LMBR1: variants seen among roughly 807,000 people sequenced by gnomAD.
LMBR1 encodes limb development membrane protein 1.
LMBR1 carries 52 observed loss-of-function variants against 73.9 expected under a neutral mutation model. The ratio of observed to expected loss-of-function variants is 0.70; its 90% CI spans 0.56 to 0.89. LMBR1 has a LOEUF of 0.89. Ranked by LOEUF, LMBR1 falls within the 40% of genes least tolerant of loss-of-function variation. The pLI is 0.00. For missense variants in LMBR1, 539 were observed against 579.8 expected, an observed-to-expected ratio of 0.93 and a Z score of 0.72; for synonymous variants, 215 against 209.4, an observed-to-expected ratio of 1.03 and a Z score of -0.23.
chr7:156,755,269 G>A (rs1821650513), intron 9 of LMBR1, among the ~76,000 whole-genome samples: 1 of 152,198 alleles, frequency 6.6e-6, no homozygotes, highest in South Asian at 2.1e-4. Flanking sequence ...GGAGCCAAAG[G>A]ATTTATAAAG....
At chr7:156,883,052 T>G (rs1801343123) in intron 1 of LMBR1, among the ~76,000 whole-genome samples, 1 of 149,800 alleles carries the variant, frequency 6.7e-6, no homozygotes. Context: ...AAATTTTTTG[T>G]TAAGAGGGTA....
chr7:156,818,160 A>G (rs1298206692), intron 4 of LMBR1, among the ~76,000 whole-genome samples: 2 of 152,198 alleles, frequency 1.3e-5, no homozygotes, highest in Non-Finnish European at 2.9e-5. Flanking sequence ...ATATTTTCTT[A>G]AGTTTGACTG....
chr7:156,825,380 G>A (rs935746570), intron 4 of LMBR1, among the ~76,000 whole-genome samples: 1 of 152,076 alleles, frequency 6.6e-6, no homozygotes, highest in Non-Finnish European at 1.5e-5. Context: ...ACGGGTATGG[G>A]TATGATGAGC....
rs58320541 is a variant in LMBR1 at position 156,709,158 on chromosome 7, C to T, written c.1225+14954G>A. Among the ~76,000 whole-genome samples, 20 of 152,282 alleles carry T rather than the reference C, an allele frequency of 1.3e-4. No homozygotes were observed. The East Asian group carries it at 3.9e-3, about 29-fold the overall frequency. On this transcript the variant is annotated intron_variant, in intron 15 of 16. Coordinates refer to ENST00000353442, the MANE Select transcript of LMBR1 (RefSeq NM_022458.4). ...ACCCATCACCTGAGAAACCAGAATA[C>T]TTACCTTGGCCAACTTGGGGCAAGC...
chr7:156,892,887 G>A (rs754665975), intron 1 of LMBR1, 41 bp downstream of exon 1: 1 of 1,393,052 alleles, frequency 7.2e-7, no homozygotes, highest in Non-Finnish European at 9.4e-7. Context: ...GGGCCCGGGC[G>A]GGCACGCGGG....
At chr7:156,777,018 G>A (rs560907044) in intron 5 of LMBR1, among the ~76,000 whole-genome samples, 28 of 150,804 alleles carry the variant, frequency 1.9e-4, no homozygotes, top group African/African-American at 4.9e-4. Flanking sequence ...CGCAAGCTCC[G>A]CTTCCTGGGT....
At chr7:156,867,651 A>G (rs1162529903) in intron 1 of LMBR1, among the ~76,000 whole-genome samples, 2 of 152,268 alleles carry the variant, frequency 1.3e-5, no homozygotes, top group Non-Finnish European at 2.9e-5. Flanking sequence ...GAAAGCAGCT[A>G]GATATAAAAT....
chr7:156,858,036 CTAGAAAAA>C (rs1797207672), intron 1 of LMBR1, among the ~76,000 whole-genome samples: 2 of 73,042 alleles, frequency 2.7e-5, no homozygotes, highest in African/African-American at 1.0e-4. Flanking sequence ...CCTTAGGAAA[CTAGAAAAA>C]AAAAGAGCAA....
At chr7:156,826,806 C>A in intron 3 of LMBR1, 62 bp from the exon 4 acceptor site, 2 of 1,445,402 alleles carry the variant, frequency 1.4e-6, no homozygotes, top group Admixed American at 2.2e-5. Context: ...CGAAAGTCAT[C>A]AAAAAGAATG....
intron 15 of LMBR1, among the ~76,000 whole-genome samples, chr7:156,714,965 T>C (rs1044409709): frequency 2.6e-5 from 4 of 151,654 alleles, no homozygotes; most frequent in African/African-American, 9.7e-5. Flanking sequence ...TTTTTTTTTT[T>C]TTTTGAGACA....
At chr7:156,706,590 C>T (rs1260544493) in intron 15 of LMBR1, among the ~76,000 whole-genome samples, 1 of 151,762 alleles carries the variant, frequency 6.6e-6, no homozygotes, top group African/African-American at 2.4e-5. Context: ...AGAAAACATA[C>T]AAGTACACAG....
At position 156,833,765 on chromosome 7, in the gene LMBR1, A is replaced by T; in HGVS notation, c.167T>A (p.Val56Asp). The T allele has an allele frequency of 6.2e-7, 1 of 1,600,960 alleles. No individual in the cohort carries two copies. The highest frequency in any genetic ancestry group is 1.1e-5 in the South Asian group (1 of 88,044). The change falls in exon 3 of 17, where the codon GTC (valine) becomes GAC (aspartate). Residue 56 changes from valine (V) to aspartate (D), a missense_variant. Val to Asp is a radical substitution (Grantham distance 152). Transcript: ENST00000353442. The stretch of plus-strand genomic sequence containing the variant: ...TTAAAATACATACGAAATCCTGTTG[A>T]CGATGGCATCTTCATCTTCTTGTTC... ...SDEQEDEDAI[V>D]NRISLFLSTF...
chr7:156,803,570 T>C (rs1484709693), intron 4 of LMBR1, among the ~76,000 whole-genome samples: 1 of 152,108 alleles, frequency 6.6e-6, no homozygotes, highest in African/African-American at 2.4e-5. Flanking sequence ...TCAACCCTTG[T>C]GGAAGTCAGT....
chr7:156,831,998 A>C (rs957260229), intron 3 of LMBR1, among the ~76,000 whole-genome samples: 14 of 152,182 alleles, frequency 9.2e-5, no homozygotes, highest in Admixed American at 2.6e-4. Flanking sequence ...GTGAATTTTT[A>C]AAGGAGCTCT....
chr7:156,756,453 G>C lies in LMBR1; in HGVS notation c.697C>G (p.Leu233Val), dbSNP rs772415094. 8.8e-6 allele frequency: 13 copies of C among 1,471,316 alleles called. No individual in the cohort carries two copies. In the Admixed American group the frequency reaches 2.4e-4, roughly 27 times the overall value. 91.1% of individuals were successfully genotyped at this position (1,471,316 alleles called of 1,614,324 possible). ...GTAATGATATAAATTTGTTCATCCA[G>C]GTCTTCAAGAATCTAAATTTAAAGA... ...LLVKPTILEDLDEQIYIITLE... is the reference protein window; with the variant it reads ...LLVKPTILEDVDEQIYIITLE... The change falls in exon 9 of 17, where the codon CTG (leucine) becomes GTG (valine). Residue 233 changes from leucine to valine, a missense_variant. Transcript: ENST00000353442.
rs781063724 is a variant in LMBR1, at chr7:156,724,159, G to A, written c.1178C>T (p.Ser393Phe). Residue 393 changes from serine (S) to phenylalanine (F), a missense_variant, in exon 15 of 17, where the codon TCC becomes TTC. This residue lies in a region of LMBR1 where 454 missense variants were observed against 473.4 expected (regional missense o/e 0.96). Transcript: ENST00000353442. The stretch of plus-strand genomic sequence containing the variant: ...CAGAGCAGAGCTCAAAACCAAGATG[G>A]ACACACAATTTCCAATGATCTGTTA... ...TMTKIIGNCVSILVLSSALPV... is the reference protein window; with the variant it reads ...TMTKIIGNCVFILVLSSALPV... The A allele has an allele frequency of 1.9e-6, 3 of 1,610,500 alleles. No individual in the cohort carries two copies. Among genetic ancestry groups the A allele is most frequent in the Non-Finnish European group, 2.5e-6 (3 of 1,178,100 alleles).
At chr7:156,736,711 T>C (rs1217853066) in intron 9 of LMBR1, 2 of 399,042 alleles carry the variant, frequency 5.0e-6, no homozygotes, top group Non-Finnish European at 1.0e-5. Context: ...GCTAGATTGA[T>C]ATTCAATGTC....
intron 9 of LMBR1, among the ~76,000 whole-genome samples, chr7:156,741,452 T>C (rs764841340): frequency 6.6e-6 from 1 of 152,090 alleles, no homozygotes; most frequent in Non-Finnish European, 1.5e-5. Context: ...AATAAAGGCA[T>C]AGAAAAAGAT....
intron 15 of LMBR1, among the ~76,000 whole-genome samples, chr7:156,692,068 A>C (rs1428215350): frequency 6.6e-6 from 1 of 152,160 alleles, no homozygotes; most frequent in Non-Finnish European, 1.5e-5. Context: ...ATGCTGTTGA[A>C]GCAAACGCTT....
Sources: gnomAD v4.1 joint callset for allele counts (sites outside exome capture counted in the v4.1 genomes callset) on GRCh38, gnomAD v4.1.1 for gene constraint, gnomAD v4.1.1 regional missense constraint, MANE v1.5 for transcripts, NCBI Gene and HGNC (gene_info 2026-07-23, HGNC 2026-07-21) for gene names.